The following BMPR1B variants were observed in gnomAD, a reference collection of about 807,000 sequenced individuals.
BMPR1B encodes the protein bone morphogenetic protein receptor type 1B.
BMPR1B carries 12 observed loss-of-function variants against 59.1 expected under a neutral mutation model. The ratio of observed to expected loss-of-function variants is 0.20; its 90% CI spans 0.13 to 0.33. The LOEUF (loss-of-function observed/expected upper bound fraction) is 0.33, where lower values mean the gene tolerates loss of function less well. Ranked by LOEUF, BMPR1B falls within the 10% of genes least tolerant of loss-of-function variation. The pLI is 1.00. For synonymous variants in BMPR1B, 237 were observed against 207.3 expected, an observed-to-expected ratio of 1.14 and a Z score of -1.23; for missense variants, 550 against 610.9, an observed-to-expected ratio of 0.90 and a Z score of 1.05.
chr4:94,975,186 A>G (rs1350657747), intron 2 of BMPR1B, among the ~76,000 whole-genome samples: 1 of 152,020 alleles, frequency 6.6e-6, no homozygotes, highest in Non-Finnish European at 1.5e-5. Context: ...CAGAATATAG[A>G]TAGGACGCAG....
chr4:94,933,779 C>T (rs1196308789), intron 2 of BMPR1B, among the ~76,000 whole-genome samples: 1 of 152,020 alleles, frequency 6.6e-6, no homozygotes, highest in Non-Finnish European at 1.5e-5. Flanking sequence ...ATCTCAACAC[C>T]CAATTATTAC....
chr4:94,962,293 A>G (rs1411881653), intron 2 of BMPR1B, among the ~76,000 whole-genome samples: 1 of 151,984 alleles, frequency 6.6e-6, no homozygotes, highest in African/African-American at 2.4e-5. Context: ...GTGTGCCACC[A>G]TGCTCAGCTA....
At chr4:95,086,979 T>C (rs903685685) in intron 3 of BMPR1B, among the ~76,000 whole-genome samples, 2 of 151,210 alleles carry the variant, frequency 1.3e-5, no homozygotes, top group African/African-American at 4.9e-5. Flanking sequence ...GTAAAGGCCT[T>C]GGTGTGTCTC....
chr4:95,077,799 A>G (rs1560635766), intron 3 of BMPR1B, among the ~76,000 whole-genome samples: 1 of 152,250 alleles, frequency 6.6e-6, no homozygotes, highest in Non-Finnish European at 1.5e-5. Flanking sequence ...TCTGTTTAAC[A>G]TACACATATA....
chr4:95,080,428 G>C (rs1267058352), intron 3 of BMPR1B, among the ~76,000 whole-genome samples: 3 of 152,074 alleles, frequency 2.0e-5, no homozygotes, highest in African/African-American at 7.2e-5. Context: ...TGGAGATGGA[G>C]TTTCACCATG....
chr4:95,066,641 C>T (rs1427982168), intron 3 of BMPR1B, among the ~76,000 whole-genome samples: 1 of 152,140 alleles, frequency 6.6e-6, no homozygotes, highest in East Asian at 1.9e-4. Context: ...AATTTTTGCA[C>T]AAAAGCCAGA....
At chr4:95,007,140 G>A (rs1277367481) in intron 3 of BMPR1B, among the ~76,000 whole-genome samples, 1 of 151,988 alleles carries the variant, frequency 6.6e-6, no homozygotes, top group African/African-American at 2.4e-5. Context: ...TACAACAACA[G>A]CAACAATACT....
chr4:94,988,215 A>G (rs1721532848), intron 2 of BMPR1B, among the ~76,000 whole-genome samples: 1 of 152,120 alleles, frequency 6.6e-6, no homozygotes. Context: ...ATAAATATAC[A>G]TTTAGCTCTA....
intron 1 of BMPR1B, among the ~76,000 whole-genome samples, chr4:94,785,665 G>A (rs539153144): frequency 1.3e-5 from 2 of 152,244 alleles, no homozygotes; most frequent in South Asian, 4.1e-4. Flanking sequence ...ATTTCTTTAA[G>A]GGAGATCTCA....
At chr4:95,028,239 A>T (rs1314316661) in intron 3 of BMPR1B, among the ~76,000 whole-genome samples, 1 of 152,186 alleles carries the variant, frequency 6.6e-6, no homozygotes, top group Non-Finnish European at 1.5e-5. Flanking sequence ...AGTAAAGCAA[A>T]ACTCCCTCCA....
chr4:95,129,781 C>T (rs887550794), intron 8 of BMPR1B, 81 bp from the exon 9 acceptor site: 4 of 1,401,044 alleles, frequency 2.9e-6, no homozygotes, highest in Non-Finnish European at 4.0e-6. Context: ...ATGCAGTAAT[C>T]GTTTCTTCTC....
chr4:94,834,945 T>G (rs961813446), intron 1 of BMPR1B, among the ~76,000 whole-genome samples: 7 of 148,046 alleles, frequency 4.7e-5, no homozygotes, highest in Admixed American at 1.3e-4. Context: ...TTTCTTTGTT[T>G]TTTTTTTTTT....
intron 1 of BMPR1B, among the ~76,000 whole-genome samples, chr4:94,820,009 T>A (rs1246185094): frequency 1.3e-5 from 2 of 152,202 alleles, no homozygotes; most frequent in African/African-American, 2.4e-5. Context: ...ATCCAGCTTG[T>A]GTCATAATTA....
At chr4:94,875,442 T>C (rs1381017406) in intron 1 of BMPR1B, among the ~76,000 whole-genome samples, 2 of 152,202 alleles carry the variant, frequency 1.3e-5, no homozygotes, top group African/African-American at 4.8e-5. Context: ...CCCAGCACTT[T>C]GGGAGGCCGA....
chr4:94,843,810 C>T (rs913689266), intron 1 of BMPR1B, among the ~76,000 whole-genome samples: 1 of 152,098 alleles, frequency 6.6e-6, no homozygotes, highest in African/African-American at 2.4e-5. Flanking sequence ...AGGTGCAGCT[C>T]ACCTTTGCCT....
intron 2 of BMPR1B, among the ~76,000 whole-genome samples, chr4:94,966,245 T>G (rs756791665): frequency 3.9e-5 from 6 of 152,176 alleles, no homozygotes; most frequent in Non-Finnish European, 5.9e-5. Flanking sequence ...GAACACATGT[T>G]GGAGCTAAAA....
At chr4:95,046,942 C>T (rs1438512891) in intron 3 of BMPR1B, among the ~76,000 whole-genome samples, 1 of 152,190 alleles carries the variant, frequency 6.6e-6, no homozygotes, top group Admixed American at 6.5e-5. Flanking sequence ...GTGATGAAAG[C>T]TGCACAAGCA....
chr4:94,985,277 T>C (rs1271820288), intron 2 of BMPR1B, among the ~76,000 whole-genome samples: 1 of 151,980 alleles, frequency 6.6e-6, no homozygotes, highest in Admixed American at 6.6e-5. Context: ...GGAGACTAGA[T>C]TGTGATCATT....
intron 1 of BMPR1B, among the ~76,000 whole-genome samples, chr4:94,841,840 T>C (rs372938894): frequency 6.6e-6 from 1 of 152,218 alleles, no homozygotes; most frequent in African/African-American, 2.4e-5. Flanking sequence ...AATGAAAATA[T>C]CTGTGAATAA....
Sources: gnomAD v4.1 joint callset for allele counts (sites outside exome capture counted in the v4.1 genomes callset) on GRCh38, gnomAD v4.1.1 for gene constraint, MANE v1.5 for transcripts, NCBI Gene and HGNC (gene_info 2026-07-23, HGNC 2026-07-21) for gene names.